AFF1: variants seen among roughly 807,000 people sequenced by gnomAD.
The protein encoded by AFF1 is ALF transcription elongation factor 1, also known as AF4/FMR2 family member 1.
Under a neutral mutation model 121.7 loss-of-function variants are expected in AFF1, and 48 were observed. The observed-to-expected ratio is 0.39, with a 90% CI of 0.31 to 0.50. AFF1 has a LOEUF of 0.50. AFF1 is among the 20% of genes least tolerant of loss of function. AFF1 has a pLI of 0.76. For synonymous variants in AFF1, 613 were observed against 563.0 expected (o/e 1.09, Z -1.26); for missense variants, 1,523 against 1,511.7 (o/e 1.01, Z -0.12).
At chr4:87,088,346 G>A (rs1723943343) in intron 5 of AFF1, among the ~76,000 whole-genome samples, 1 of 152,214 alleles carries the variant, frequency 6.6e-6, no homozygotes, top group Non-Finnish European at 1.5e-5. Context: ...GTGCGAGGTC[G>A]CTGCTGTCTC....
chr4:87,022,592 A>ATATATATATACATATATATATATATATC (rs1465084690), intron 2 of AFF1, among the ~76,000 whole-genome samples: 2 of 99,826 alleles, frequency 2.0e-5, no homozygotes, highest in African/African-American at 9.3e-5. Context: ...ATCTATCTAT[A>ATATATATATACATATATATATATATATC]TCTATCTGTG....
At position 87,131,089 on chromosome 4, in the gene AFF1, A is replaced by G. The variant is rs1728785022; in HGVS notation, c.2971A>G (p.Arg991Gly). The G allele has an allele frequency of 1.2e-6, 2 of 1,613,974 alleles. No homozygotes were observed. The highest frequency in any genetic ancestry group is 2.2e-5 in the East Asian group (1 of 44,884). The stretch of plus-strand genomic sequence containing the variant: ...CCATGTTCTTCTCCTGCAGACGGAC[A>G]GGGTTGGAAAGGCTTTTAAGTACCT... ...MKQKAELMTD[R>G]VGKAFKYLEA... is the part of the protein sequence containing the mutation. Residue 991 changes from arginine (R) to glycine (G), a missense_variant, in exon 17 of 21, where the codon AGG (arginine) becomes GGG (glycine). Physicochemically the swap from Arg to Gly is moderately radical, Grantham distance 125. This residue lies in a region of AFF1 where 905 missense variants were observed against 842.5 expected (regional missense o/e 1.07). Coordinates refer to ENST00000395146, the MANE Select transcript of AFF1 (RefSeq NM_001166693.3).
At chr4:87,107,048 G>T (rs1299433427) in intron 10 of AFF1, among the ~76,000 whole-genome samples, 1 of 151,908 alleles carries the variant, frequency 6.6e-6, no homozygotes, top group East Asian at 1.9e-4. Context: ...AACATTGAGA[G>T]TGTATCCCCT....
chr4:86,969,786 G>A (rs1722800724), intron 2 of AFF1, among the ~76,000 whole-genome samples: 3 of 148,494 alleles, frequency 2.0e-5, no homozygotes, highest in Non-Finnish European at 3.0e-5. Flanking sequence ...AGGCTGAGGC[G>A]GAAGAATGGC....
At chr4:87,027,929 G>A (rs1048088246) in intron 2 of AFF1, among the ~76,000 whole-genome samples, 3 of 151,362 alleles carry the variant, frequency 2.0e-5, no homozygotes, top group African/African-American at 4.9e-5. Context: ...CAAGTAGGTG[G>A]GATTACAGGC....
At chr4:87,042,902 A>T (rs1011631391) in intron 2 of AFF1, among the ~76,000 whole-genome samples, 6 of 152,250 alleles carry the variant, frequency 3.9e-5, no homozygotes, top group African/African-American at 1.2e-4. Context: ...GTATGGGAGA[A>T]ACCCAACTGA....
intron 2 of AFF1, among the ~76,000 whole-genome samples, chr4:86,986,969 G>A (rs759296590): frequency 2.0e-5 from 3 of 151,930 alleles, no homozygotes; most frequent in Non-Finnish European, 4.4e-5. Flanking sequence ...ACTGTCCTGA[G>A]TAGCTGGGAC....
chr4:86,984,254 A>G (rs549830616), intron 2 of AFF1, among the ~76,000 whole-genome samples: 13 of 149,816 alleles, frequency 8.7e-5, no homozygotes, highest in South Asian at 2.1e-4. Flanking sequence ...AGTCGTTTCT[A>G]TGGTCCTGCA....
rs1730853851 is a variant in AFF1, at chr4:87,047,675, G to A, written c.1059+81G>A. The A allele has an allele frequency of 3.2e-6, 5 of 1,582,786 alleles. No homozygotes were observed. In the South Asian group the frequency reaches 4.4e-5, roughly 14 times the overall value. Reference sequence around the variant, plus strand: ...AAATGTCCGGAGGATGTGGGGCAAGGTGGGGAGGTTAGTCCATGGCTTTTG... The same window carrying A: ...AAATGTCCGGAGGATGTGGGGCAAGATGGGGAGGTTAGTCCATGGCTTTTG... On this transcript the variant is annotated intron_variant, in intron 4 of 20. Coordinates refer to ENST00000395146, the MANE Select transcript of AFF1 (RefSeq NM_001166693.3).
chr4:87,070,038 T>A (rs1051253955), intron 4 of AFF1, among the ~76,000 whole-genome samples: 2 of 152,050 alleles, frequency 1.3e-5, no homozygotes, highest in African/African-American at 4.8e-5. Context: ...GGAGTCTCGC[T>A]TAGTCACCAG....
At chr4:87,122,881 T>TAAAAAAAAAAAA (rs3036188) in intron 12 of AFF1, among the ~76,000 whole-genome samples, 1 of 96,646 alleles carries the variant, frequency 1.0e-5, no homozygotes, top group African/African-American at 4.2e-5. Flanking sequence ...GGAAAATTAG[T>TAAAAAAAAAAAA]AAAAAAAAAA....
At chr4:87,065,568 T>C (rs931259619) in intron 4 of AFF1, among the ~76,000 whole-genome samples, 2 of 151,800 alleles carry the variant, frequency 1.3e-5, no homozygotes, top group Non-Finnish European at 2.9e-5. Flanking sequence ...ACAAGTAGTA[T>C]TATGACGCAG....
In AFF1 at chr4:87,127,011, A is replaced by AT. The variant is rs11448202; in HGVS notation, c.2812-5dup. Reference sequence around the variant, plus strand: ...ATGTTAGAGTGTAATCTGTATATTGATTTTTTTTTTGAAGGGTTCTTCCGG... The same window carrying AT: ...ATGTTAGAGTGTAATCTGTATATTGATTTTTTTTTTTGAAGGGTTCTTCCGG... On this transcript the variant is annotated splice_polypyrimidine_tract_variant and intron_variant, in intron 14 of 20. Transcript: ENST00000395146. The AT allele has an allele frequency of 0.21, 310,768 of 1,496,834 alleles. 21,242 individuals are homozygous for AT. The highest frequency in any genetic ancestry group is 0.3 in the Middle Eastern group (1,699 of 5,730). 92.7% of individuals were successfully genotyped at this position (1,496,834 alleles called of 1,614,324 possible).
At chr4:87,067,275 T>G (rs1002835877) in intron 4 of AFF1, among the ~76,000 whole-genome samples, 1 of 152,250 alleles carries the variant, frequency 6.6e-6, no homozygotes, top group Non-Finnish European at 1.5e-5. Context: ...TTAAGCCGTT[T>G]CCATGCAACA....
At chr4:87,011,198 T>C (rs1297850406) in intron 2 of AFF1, among the ~76,000 whole-genome samples, 5 of 152,140 alleles carry the variant, frequency 3.3e-5, no homozygotes, top group Admixed American at 2.0e-4. Context: ...CTTGCTTCTT[T>C]GGGAGAGTTG....
At chr4:87,071,000 G>C (rs1278363025) in intron 4 of AFF1, among the ~76,000 whole-genome samples, 1 of 152,166 alleles carries the variant, frequency 6.6e-6, no homozygotes, top group Non-Finnish European at 1.5e-5. Flanking sequence ...CGAAAAAGCA[G>C]TGAGAAAGGA....
At chr4:86,941,581 G>A (rs931720252) in intron 1 of AFF1, among the ~76,000 whole-genome samples, 1 of 152,120 alleles carries the variant, frequency 6.6e-6, no homozygotes, top group Non-Finnish European at 1.5e-5. Context: ...TTGCTTTGGG[G>A]GTGGAGGTTG....
chr4:87,099,657 C>T (rs1476182441), intron 8 of AFF1, among the ~76,000 whole-genome samples: 1 of 152,242 alleles, frequency 6.6e-6, no homozygotes. Context: ...AGTCTGCCCA[C>T]CTTGGCCTCC....
intron 11 of AFF1, among the ~76,000 whole-genome samples, chr4:87,112,382 C>T (rs1219989794): frequency 1.3e-5 from 2 of 152,020 alleles, no homozygotes; most frequent in East Asian, 1.9e-4. Context: ...TTGACATAAG[C>T]GAAGGAAGCC....
Sources: allele counts gnomAD v4.1 joint callset (sites outside exome capture counted in the v4.1 genomes callset), GRCh38; gene constraint gnomAD v4.1.1; regional missense constraint gnomAD v4.1.1; transcripts MANE v1.5; gene names NCBI Gene and HGNC (gene_info 2026-07-23, HGNC 2026-07-21).